Variants in PRKCI observed in about 807,000 individuals in gnomAD.
PRKCI encodes the protein protein kinase C iota, also known as protein kinase C iota type.
In PRKCI, 43 loss-of-function variants were observed where a neutral mutation model predicts 84.0. The ratio of observed to expected loss-of-function variants is 0.51; its 90% CI spans 0.40 to 0.66. The LOEUF (loss-of-function observed/expected upper bound fraction) is 0.66, where lower values mean the gene tolerates loss of function less well. Ranked by LOEUF, PRKCI falls within the 30% of genes least tolerant of loss-of-function variation. The probability of loss-of-function intolerance (pLI) is 0.00; values close to 1 mark genes in which losing one functional copy is unlikely to be tolerated. For synonymous variants in PRKCI, 216 were observed against 234.4 expected (o/e 0.92, Z 0.72); for missense variants, 459 against 745.6 (o/e 0.62, Z 4.48).
At chr3:170,265,817 A>G (rs560139994) in intron 4 of PRKCI, among the ~76,000 whole-genome samples, 66 of 150,942 alleles carry the variant, frequency 4.4e-4, no homozygotes, top group Middle Eastern at 3.4e-3. Flanking sequence ...TTGTATTTTT[A>G]GTAGAGTGCT....
At position 170,262,568 on chromosome 3, in the gene PRKCI, C is replaced by T. The variant is rs369559961; in HGVS notation, c.314-811C>T. Reference sequence around the variant, plus strand: ...TGATCTCAGCTTACTGCAACCTTCGCCTCCCAGGTTCAAGTGATTCCCGGG... The same window carrying T: ...TGATCTCAGCTTACTGCAACCTTCGTCTCCCAGGTTCAAGTGATTCCCGGG... On this transcript the variant is annotated intron_variant, in intron 3 of 17. Coordinates refer to ENST00000295797, the MANE Select transcript of PRKCI (RefSeq NM_002740.6). Among the ~76,000 whole-genome samples, 11 of 152,290 alleles carry T rather than the reference C, an allele frequency of 7.2e-5. No homozygotes were observed. The South Asian group carries it at 1.2e-3, about 17-fold the overall frequency.
At chr3:170,287,132 C>T (rs1336828110) in intron 12 of PRKCI, among the ~76,000 whole-genome samples, 2 of 151,846 alleles carry the variant, frequency 1.3e-5, no homozygotes, top group East Asian at 3.9e-4. Flanking sequence ...CTCAGAAGTT[C>T]GACACCAGCC....
intron 13 of PRKCI, 45 bp downstream of exon 13, chr3:170,291,986 G>T: frequency 7.9e-7 from 1 of 1,260,214 alleles, no homozygotes; most frequent in Non-Finnish European, 1.2e-6. Flanking sequence ...TGCTAGATGG[G>T]TGGTAAAATG....
intron 11 of PRKCI, among the ~76,000 whole-genome samples, chr3:170,282,919 AC>A (rs1475928384): frequency 6.6e-6 from 1 of 151,990 alleles, no homozygotes; most frequent in East Asian, 1.9e-4. Flanking sequence ...ATCCTGGCCA[AC>A]ATGGTGAAAC....
At chr3:170,272,596 G>A (rs6444908) in intron 6 of PRKCI, among the ~76,000 whole-genome samples, 12,351 of 152,210 alleles carry the variant, frequency 0.081, 1,205 homozygotes, top group African/African-American at 0.23. Flanking sequence ...TTATATTGAA[G>A]TTTTAAAAAT....
At chr3:170,296,422 A>G (rs1001741894) in intron 15 of PRKCI, among the ~76,000 whole-genome samples, 3 of 152,168 alleles carry the variant, frequency 2.0e-5, no homozygotes, top group African/African-American at 7.2e-5. Flanking sequence ...CAAAAATGCT[A>G]TAATTAGGTA....
chr3:170,274,335 T>C (rs1421549463), intron 7 of PRKCI, among the ~76,000 whole-genome samples: 1 of 152,294 alleles, frequency 6.6e-6, no homozygotes, highest in African/African-American at 2.4e-5. Context: ...GGTTTCACCA[T>C]GTTGGCCAAG....
At chr3:170,298,647 C>G (rs1043251409) in intron 16 of PRKCI, among the ~76,000 whole-genome samples, 4 of 152,116 alleles carry the variant, frequency 2.6e-5, no homozygotes, top group East Asian at 1.9e-4. Flanking sequence ...CTCAGGTGAT[C>G]TGCGCACCTT....
intron 5 of PRKCI, among the ~76,000 whole-genome samples, chr3:170,269,918 A>T (rs545754797): frequency 6.6e-6 from 1 of 152,014 alleles, no homozygotes; most frequent in Non-Finnish European, 1.5e-5. Context: ...AGATTGTGCC[A>T]TTGCATTCCA....
intron 7 of PRKCI, among the ~76,000 whole-genome samples, chr3:170,273,970 TAA>T (rs575518187): frequency 1.4e-5 from 2 of 144,664 alleles, no homozygotes; most frequent in Non-Finnish European, 1.5e-5. Context: ...TGTCTCTATT[TAA>T]AAAAAAAAAA....
At position 170,281,245 on chromosome 3, in the gene PRKCI, G is replaced by C; in HGVS notation, c.962G>C (p.Cys321Ser). Residue 321 changes from cysteine to serine, a missense_variant, in exon 10 of 18, where the codon TGC (cysteine) becomes TCC (serine). Transcript: ENST00000295797. ...NHPFLVGLHS[C>S]FQTESRLFFV... ...CCTTTCCTTGTTGGGCTGCATTCTT[G>C]CTTTCAGACAGAAAGCAGGTAAGAT... is the stretch of plus-strand genomic sequence containing the variant. The C allele has an allele frequency of 1.9e-6, 3 of 1,613,786 alleles. No homozygotes were observed. The highest frequency in any genetic ancestry group is 2.5e-6 in the Non-Finnish European group (3 of 1,179,872).
intron 1 of PRKCI, among the ~76,000 whole-genome samples, chr3:170,228,602 AAT>A (rs549146564): frequency 0.015 from 1,918 of 130,580 alleles, 21 homozygotes; most frequent in South Asian, 0.024. Context: ...CACACACACA[AAT>A]ATATATATAT....
At chr3:170,235,702 A>G (rs1236174046) in intron 2 of PRKCI, among the ~76,000 whole-genome samples, 1 of 151,716 alleles carries the variant, frequency 6.6e-6, no homozygotes, top group Non-Finnish European at 1.5e-5. Context: ...AGTAGCTGGG[A>G]CTACAAGTGT....
intron 7 of PRKCI, among the ~76,000 whole-genome samples, chr3:170,274,164 C>A (rs1627750): frequency 0.18 from 26,889 of 151,930 alleles, 2,452 homozygotes; most frequent in Admixed American, 0.19. Flanking sequence ...CAGAGTCTTG[C>A]TCTGTTGCCC....
intron 2 of PRKCI, among the ~76,000 whole-genome samples, chr3:170,250,016 C>G (rs1733397714): frequency 6.6e-6 from 1 of 151,990 alleles, no homozygotes; most frequent in Non-Finnish European, 1.5e-5. Context: ...TGGCTCACAC[C>G]CATAATCCCA....
chr3:170,228,792 C>T (rs1217610040), intron 1 of PRKCI, among the ~76,000 whole-genome samples: 1 of 152,092 alleles, frequency 6.6e-6, no homozygotes, highest in Non-Finnish European at 1.5e-5. Context: ...AGTCTGGTCA[C>T]TTAGTGTACC....
At chr3:170,289,868 C>T (rs1734498324) in intron 12 of PRKCI, among the ~76,000 whole-genome samples, 1 of 151,832 alleles carries the variant, frequency 6.6e-6, no homozygotes, top group Non-Finnish European at 1.5e-5. Context: ...GCCGAGATCG[C>T]ACCATTGCAC....
intron 10 of PRKCI, 199 bp from the exon 11 acceptor site, chr3:170,281,683 G>C (rs1397198718): frequency 1.7e-6 from 1 of 573,756 alleles, no homozygotes; most frequent in Non-Finnish European, 2.7e-6. Flanking sequence ...AGAAGTAGTA[G>C]GTTACAAAAT....
intron 7 of PRKCI, among the ~76,000 whole-genome samples, chr3:170,273,829 GA>G (rs1047229902): frequency 5.1e-4 from 65 of 128,592 alleles, no homozygotes; most frequent in African/African-American, 1.7e-3. Context: ...AAGAGAGAGA[GA>G]AAAAAAAAAG....
Sources: gnomAD v4.1 joint callset for allele counts (sites outside exome capture counted in the v4.1 genomes callset) on GRCh38, gnomAD v4.1.1 for gene constraint, MANE v1.5 for transcripts, NCBI Gene and HGNC (gene_info 2026-07-23, HGNC 2026-07-21) for gene names.